TAFA1: variants seen among roughly 807,000 people sequenced by gnomAD.
The protein encoded by TAFA1 is chemokine-like protein TAFA-1.
In TAFA1, 4 loss-of-function variants were observed where a neutral mutation model predicts 18.5. The ratio of observed to expected loss-of-function variants is 0.22; its 90% CI spans 0.11 to 0.49. The LOEUF is 0.49. TAFA1 is among the 20% of genes least tolerant of loss of function. The probability of loss-of-function intolerance (pLI) is 0.98; values close to 1 mark genes in which losing one functional copy is unlikely to be tolerated. For missense variants in TAFA1, 147 were observed against 169.0 expected (o/e 0.87, Z 0.72); for synonymous variants, 56 against 55.2 (o/e 1.01, Z -0.06).
intron 2 of TAFA1, among the ~76,000 whole-genome samples, chr3:68,299,171 C>T (rs182798249): frequency 1.2e-4 from 18 of 152,312 alleles, no homozygotes; most frequent in African/African-American, 4.1e-4. Context: ...GCACTTCCCA[C>T]TCAGAGAATG....
intron 2 of TAFA1, among the ~76,000 whole-genome samples, chr3:68,206,425 T>G (rs1027542495): frequency 1.3e-5 from 2 of 151,918 alleles, no homozygotes; most frequent in African/African-American, 2.4e-5. Context: ...GTCACCTACA[T>G]GGTGATATTG....
intron 2 of TAFA1, among the ~76,000 whole-genome samples, chr3:68,019,306 C>A (rs561501430): frequency 6.6e-6 from 1 of 152,230 alleles, no homozygotes; most frequent in Middle Eastern, 3.4e-3. Flanking sequence ...ATTAACAGTG[C>A]CTAATTTTCA....
chr3:68,438,297 C>G (rs2071301497), intron 3 of TAFA1, among the ~76,000 whole-genome samples: 1 of 152,102 alleles, frequency 6.6e-6, no homozygotes, highest in Admixed American at 6.5e-5. Flanking sequence ...TGGGAGGTTA[C>G]AGTGAGCCAG....
intron 3 of TAFA1, among the ~76,000 whole-genome samples, chr3:68,475,553 C>G (rs1245582715): frequency 1.3e-5 from 2 of 152,200 alleles, no homozygotes; most frequent in Non-Finnish European, 2.9e-5. Flanking sequence ...TTAATCCAGT[C>G]TATCATTGTT....
At chr3:68,435,279 G>A (rs922031172) in intron 3 of TAFA1, among the ~76,000 whole-genome samples, 1 of 152,080 alleles carries the variant, frequency 6.6e-6, no homozygotes, top group Non-Finnish European at 1.5e-5. Flanking sequence ...GCTGCAAGAA[G>A]TTCAATGTGC....
At chr3:68,486,832 T>A (rs1432058944) in intron 3 of TAFA1, among the ~76,000 whole-genome samples, 1 of 152,186 alleles carries the variant, frequency 6.6e-6, no homozygotes, top group African/African-American at 2.4e-5. Flanking sequence ...TATCTTAGCA[T>A]TTTGTCCTAA....
chr3:68,521,015 A>G (rs886721375), intron 3 of TAFA1, among the ~76,000 whole-genome samples: 2 of 152,310 alleles, frequency 1.3e-5, no homozygotes, highest in African/African-American at 4.8e-5. Flanking sequence ...CTTTGACAAT[A>G]AGAATTGATT....
intron 3 of TAFA1, among the ~76,000 whole-genome samples, chr3:68,470,573 G>A (rs754209488): frequency 4.6e-5 from 7 of 152,288 alleles, no homozygotes; most frequent in South Asian, 4.2e-4. Context: ...GAGCAAAGGT[G>A]GCTCTTGCTA....
At chr3:68,523,021 A>T (rs1381662830) in intron 3 of TAFA1, among the ~76,000 whole-genome samples, 1 of 152,204 alleles carries the variant, frequency 6.6e-6, no homozygotes, top group Non-Finnish European at 1.5e-5. Flanking sequence ...GGTTGCACTG[A>T]GCTGAGATCA....
At chr3:68,201,363 A>G (rs949218905) in intron 2 of TAFA1, among the ~76,000 whole-genome samples, 1 of 151,670 alleles carries the variant, frequency 6.6e-6, no homozygotes, top group African/African-American at 2.4e-5. Flanking sequence ...CTGTTGTTGG[A>G]TGAAGAAATC....
At chr3:68,519,519 A>G (rs144521657) in intron 3 of TAFA1, among the ~76,000 whole-genome samples, 17 of 152,324 alleles carry the variant, frequency 1.1e-4, no homozygotes, top group Admixed American at 1.0e-3. Flanking sequence ...TCATAAATAA[A>G]TTCATATGTA....
intron 2 of TAFA1, among the ~76,000 whole-genome samples, chr3:68,224,811 G>A (rs1296099356): frequency 6.6e-6 from 1 of 151,612 alleles, no homozygotes; most frequent in Non-Finnish European, 1.5e-5. Flanking sequence ...ACTTTTAGTT[G>A]GGGAGGGGGT....
At chr3:68,084,191 A>T (rs1000218991) in intron 2 of TAFA1, among the ~76,000 whole-genome samples, 1 of 152,180 alleles carries the variant, frequency 6.6e-6, no homozygotes, top group Non-Finnish European at 1.5e-5. Context: ...AATTTCCCTG[A>T]TGGAGGAATA....
intron 2 of TAFA1, among the ~76,000 whole-genome samples, chr3:68,080,288 T>C (rs2064879959): frequency 6.6e-6 from 1 of 152,228 alleles, no homozygotes; most frequent in African/African-American, 2.4e-5. Context: ...CTGTGTCTTT[T>C]AATTGGAGCA....
At chr3:68,189,776 A>G (rs557990432) in intron 2 of TAFA1, among the ~76,000 whole-genome samples, 1 of 152,122 alleles carries the variant, frequency 6.6e-6, no homozygotes, top group Non-Finnish European at 1.5e-5. Context: ...TGCTTCAAAT[A>G]TAAAATAAGA....
At chr3:68,487,733 C>G (rs1338395395) in intron 3 of TAFA1, among the ~76,000 whole-genome samples, 1 of 116,838 alleles carries the variant, frequency 8.6e-6, no homozygotes. Context: ...GCCTGGGGGA[C>G]AGAGCGAAAC....
chr3:68,458,379 G>A (rs1474490076), intron 3 of TAFA1, among the ~76,000 whole-genome samples: 1 of 152,102 alleles, frequency 6.6e-6, no homozygotes, highest in Non-Finnish European at 1.5e-5. Context: ...TATCATGCAA[G>A]AACTAACTAA....
At chr3:68,045,874 C>G (rs1017779716) in intron 2 of TAFA1, among the ~76,000 whole-genome samples, 1 of 152,116 alleles carries the variant, frequency 6.6e-6, no homozygotes, top group East Asian at 1.9e-4. Flanking sequence ...ACACTTTGTA[C>G]TTTCGAAAAG....
intron 3 of TAFA1, among the ~76,000 whole-genome samples, chr3:68,460,991 C>A (rs2071766181): frequency 6.6e-6 from 1 of 152,082 alleles, no homozygotes; most frequent in African/African-American, 2.4e-5. Context: ...GTCCAAATAA[C>A]CTGGCCATGG....
Sources: allele counts gnomAD v4.1 joint callset (sites outside exome capture counted in the v4.1 genomes callset), GRCh38; gene constraint gnomAD v4.1.1; transcripts MANE v1.5; gene names NCBI Gene and HGNC (gene_info 2026-07-23, HGNC 2026-07-21).